Variants in DUSP15 observed in about 807,000 individuals in gnomAD.
DUSP15 encodes dual specificity protein phosphatase 15.
A neutral mutation model predicts 26.3 loss-of-function variants in DUSP15; 23 were observed. The observed-to-expected ratio is 0.87, with a 90% CI of 0.63 to 1.24. The LOEUF is 1.24. Among genes scored for constraint, DUSP15 ranks in the 50% most tolerant of loss-of-function variants. The probability of loss-of-function intolerance (pLI) is 0.00; values close to 1 mark genes in which losing one functional copy is unlikely to be tolerated. For synonymous variants in DUSP15, 143 were observed against 135.5 expected (o/e 1.06, Z -0.39); for missense variants, 364 against 320.6 (o/e 1.14, Z -1.03).
At chr20:31,851,336 T>C (rs1600436411) in intron 6 of DUSP15, among the ~76,000 whole-genome samples, 2 of 150,932 alleles carry the variant, frequency 1.3e-5, no homozygotes, top group East Asian at 3.9e-4. Context: ...GGAAAGGTGA[T>C]GGGGTGGAGA....
At chr20:31,851,873 A>G (rs1197624885) in intron 6 of DUSP15, among the ~76,000 whole-genome samples, 2 of 152,158 alleles carry the variant, frequency 1.3e-5, no homozygotes, top group Non-Finnish European at 2.9e-5. Context: ...CAAGCAAGAG[A>G]CAGCCTGCTA....
intron 4 of DUSP15, 131 bp downstream of exon 4, chr20:31,864,822 G>A (rs1003673457): frequency 3.1e-6 from 3 of 952,748 alleles, no homozygotes; most frequent in East Asian, 2.5e-5. Context: ...GTCAAACCTG[G>A]GACTGGTTGA....
chr20:31,845,804 A>G (rs1329380317), downstream of DUSP15, among the ~76,000 whole-genome samples: 3 of 152,194 alleles, frequency 2.0e-5, no homozygotes, highest in African/African-American at 7.2e-5. Context: ...GAAGGAAGGG[A>G]CTGAGACCCT....
At chr20:31,858,577 G>A (rs1231410174), downstream of DUSP15, among the ~76,000 whole-genome samples, 1 of 152,234 alleles carries the variant, frequency 6.6e-6, no homozygotes, top group South Asian at 2.1e-4. The surrounding 1 kb of genome is among the most constrained non-coding windows in gnomAD (Gnocchi z 4.4). Context: ...GGGGTGGCAG[G>A]AGGCGCTGTG....
chr20:31,848,248 C>T (rs2062399236), exon 10 of DUSP15: 1 of 730,466 alleles, frequency 1.4e-6, no homozygotes, highest in Non-Finnish European at 2.1e-6. Context: ...GGCCTACTCT[C>T]GAGTTCCGGG....
chr20:31,863,332 G>A (rs1408831564), intron 5 of DUSP15, among the ~76,000 whole-genome samples: 2 of 152,186 alleles, frequency 1.3e-5, no homozygotes, highest in Non-Finnish European at 2.9e-5. Flanking sequence ...TGGGGAGGAG[G>A]TTAGTACAGC....
Position 31,861,547 on chromosome 20 carries a change from C to A in DUSP15, c.564G>T (p.Pro188=), listed in dbSNP as rs1473338728. ...CGGTTCCCTCGGAGGCTGCTGAGTG[C>A]GGCCCGGCGGAGGAGGCCGAGGTCG... The part of the protein sequence containing the change: ...GSATSASSAG[P]HSAASEGTVQ... Residue 188 remains proline (P), a synonymous_variant, in exon 7 of 7, where the codon CCG becomes CCT. Transcript: ENST00000339738. 1 of 1,506,092 alleles carries A rather than the reference C, an allele frequency of 6.6e-7. No individual in the cohort carries two copies. Among genetic ancestry groups the A allele is most frequent in the Non-Finnish European group, 8.8e-7 (1 of 1,135,656 alleles). The allele number at this position is 1,506,092 out of a possible 1,614,324, so 93.3% of individuals were successfully genotyped here.
At chr20:31,868,048 G>A (rs761744745) in intron 2 of DUSP15, among the ~76,000 whole-genome samples, 3 of 152,202 alleles carry the variant, frequency 2.0e-5, no homozygotes, top group Non-Finnish European at 4.4e-5. Context: ...GTACCCAACA[G>A]TGGCCCTCTC....
exon 10 of DUSP15, chr20:31,848,549 C>G (rs1600426882): frequency 2.5e-6 from 4 of 1,577,338 alleles, no homozygotes; most frequent in Non-Finnish European, 2.6e-6. Flanking sequence ...GCTCCCAGGC[C>G]GAAGCTGCAC....
At chr20:31,860,554 T>C (rs187466020), downstream of DUSP15, among the ~76,000 whole-genome samples, 1 of 152,336 alleles carries the variant, frequency 6.6e-6, no homozygotes, top group East Asian at 1.9e-4. Flanking sequence ...CCTACCGTCA[T>C]GGGACTCAGA....
chr20:31,867,046 G>T, intron 3 of DUSP15, 25 bp downstream of exon 3: 2 of 1,555,372 alleles, frequency 1.3e-6, no homozygotes, highest in Non-Finnish European at 1.7e-6. Flanking sequence ...CCCCCGCATA[G>T]CCCTGGGATG....
chr20:31,848,601 C>G, intron 9 of DUSP15: 1 of 1,522,996 alleles, frequency 6.6e-7, no homozygotes. Flanking sequence ...CAGACCCTCT[C>G]CATTTCCCGC....
At chr20:31,859,659 TTTTA>T (rs1358450084), downstream of DUSP15, among the ~76,000 whole-genome samples, 1 of 152,202 alleles carries the variant, frequency 6.6e-6, no homozygotes, top group Non-Finnish European at 1.5e-5. Context: ...TGGAGGCTTT[TTTTA>T]TTTTTCTTTT....
At chr20:31,870,610 C>T, upstream of DUSP15, 4 of 1,384,116 alleles carry the variant, frequency 2.9e-6, no homozygotes, top group Non-Finnish European at 3.7e-6. The surrounding 1 kb of genome is among the most constrained non-coding windows in gnomAD (Gnocchi z 6.6). Flanking sequence ...CCTCGGGTCG[C>T]GGCGGGGGGC....
intron 4 of DUSP15, chr20:31,864,527 C>A: frequency 1.1e-6 from 1 of 910,174 alleles, no homozygotes. Flanking sequence ...TCTTCGAAAG[C>A]CTCCTTGACT....
At chr20:31,849,629 G>T in intron 8 of DUSP15, 1 of 1,509,404 alleles carries the variant, frequency 6.6e-7, no homozygotes. Flanking sequence ...TGGCACAGGC[G>T]CTTGGTGAAC....
chr20:31,865,478 G>A (rs1254926202), intron 3 of DUSP15, among the ~76,000 whole-genome samples: 1 of 152,172 alleles, frequency 6.6e-6, no homozygotes, highest in African/African-American at 2.4e-5. Context: ...AAATTGTCAG[G>A]AATTTTTTCC....
At chr20:31,849,621 G>T in intron 8 of DUSP15, 2 of 1,498,434 alleles carry the variant, frequency 1.3e-6, no homozygotes, top group Non-Finnish European at 1.8e-6. Context: ...ACAGGCCCTG[G>T]CACAGGCGCT....
chr20:31,869,102 G>C (rs559751802), intron 2 of DUSP15, among the ~76,000 whole-genome samples: 99 of 152,284 alleles, frequency 6.5e-4, no homozygotes, highest in African/African-American at 2.3e-3. Flanking sequence ...AGGAAGTTAT[G>C]GGGGGAAGAG....
Sources: allele counts gnomAD v4.1 joint callset (sites outside exome capture counted in the v4.1 genomes callset), GRCh38; gene constraint gnomAD v4.1.1; non-coding constraint Gnocchi (gnomAD v3.1); transcripts MANE v1.5; gene names NCBI Gene and HGNC (gene_info 2026-07-23, HGNC 2026-07-21).